Variants in ZFYVE9 observed in about 807,000 individuals in gnomAD.
The protein encoded by ZFYVE9 is zinc finger FYVE domain-containing protein 9.
Under a neutral mutation model 126.7 loss-of-function variants are expected in ZFYVE9, and 43 were observed. The ratio of observed to expected loss-of-function variants is 0.34; its 90% confidence interval spans 0.27 to 0.44. The LOEUF (loss-of-function observed/expected upper bound fraction) is 0.44, where lower values mean the gene tolerates loss of function less well. ZFYVE9 is among the 20% of genes least tolerant of loss of function. The pLI is 1.00. For synonymous variants in ZFYVE9, 521 were observed against 597.4 expected, an observed-to-expected ratio of 0.87 and a Z score of 1.87; for missense variants, 1,476 against 1,697.0, an observed-to-expected ratio of 0.87 and a Z score of 2.29.
chr1:52,314,834 A>G (rs781504687), intron 13 of ZFYVE9, among the ~76,000 whole-genome samples: 4 of 151,064 alleles, frequency 2.6e-5, no homozygotes, highest in Non-Finnish European at 4.4e-5. Context: ...AAAAGCAAAA[A>G]CCGCCAGGCG....
chr1:52,205,117 C>T (rs907300870), intron 1 of ZFYVE9, among the ~76,000 whole-genome samples: 6 of 149,408 alleles, frequency 4.0e-5, no homozygotes, highest in African/African-American at 1.5e-4. Context: ...TTCTGTCGCC[C>T]AGGCTGGAGT....
At chr1:52,286,749 C>T (rs1645864873) in intron 10 of ZFYVE9, among the ~76,000 whole-genome samples, 2 of 152,142 alleles carry the variant, frequency 1.3e-5, no homozygotes, top group East Asian at 3.8e-4. Flanking sequence ...GCTACTTTGG[C>T]TTTGTATTGC....
intron 7 of ZFYVE9, 46 bp downstream of exon 7, chr1:52,268,678 A>G: frequency 6.3e-7 from 1 of 1,588,244 alleles, no homozygotes; most frequent in South Asian, 1.2e-5. Context: ...TACTTTACTC[A>G]GCATTGTGCT....
chr1:52,301,328 G>T (rs1646032672), intron 12 of ZFYVE9, among the ~76,000 whole-genome samples: 1 of 117,080 alleles, frequency 8.5e-6, no homozygotes, highest in Non-Finnish European at 1.6e-5. Context: ...TGGAAATAGG[G>T]TCTCACTCTG....
rs536116273 is a variant in ZFYVE9 at position 52,339,291 on chromosome 1, C to CT, written c.3834-822dup. Among the ~76,000 whole-genome samples the CT allele has an allele frequency of 7.5e-3, 1,076 of 143,636 alleles. 4 individuals carry two copies. The highest frequency in any genetic ancestry group is 0.02 in the East Asian group (98 of 4,934). 94.2% of individuals were successfully genotyped at this position (143,636 alleles called of 152,430 possible). On this transcript the variant is annotated intron_variant, in intron 16 of 18. Transcript: ENST00000287727. ...AATTAGCAACTTGGTCAAATAATTC[C>CT]TTTTTTTTTTTTTGGAGACAGAGTC...
intron 13 of ZFYVE9, among the ~76,000 whole-genome samples, chr1:52,311,206 T>C (rs939111128): frequency 1.3e-5 from 2 of 151,346 alleles, no homozygotes; most frequent in African/African-American, 4.9e-5. Flanking sequence ...ATCAGAAAAA[T>C]GATGAGCCAT....
chr1:52,207,045 C>T (rs1457938833), intron 1 of ZFYVE9, among the ~76,000 whole-genome samples: 1 of 152,232 alleles, frequency 6.6e-6, no homozygotes, highest in Non-Finnish European at 1.5e-5. Context: ...AAATGCTTAT[C>T]TCTTCTGGAA....
At chr1:52,244,437 A>G (rs1245112086) in intron 4 of ZFYVE9, among the ~76,000 whole-genome samples, 1 of 152,330 alleles carries the variant, frequency 6.6e-6, no homozygotes, top group East Asian at 1.9e-4. Context: ...GTGGGGCTAG[A>G]CAGAGGTTGG....
intron 13 of ZFYVE9, among the ~76,000 whole-genome samples, chr1:52,330,787 A>T (rs1223730414): frequency 6.6e-6 from 1 of 152,164 alleles, no homozygotes. Flanking sequence ...CCTGGGATGC[A>T]GCCCAGCAGG....
At chr1:52,338,118 C>A (rs1167993570) in intron 16 of ZFYVE9, among the ~76,000 whole-genome samples, 184 bp downstream of exon 16, 1 of 152,098 alleles carries the variant, frequency 6.6e-6, no homozygotes, top group Non-Finnish European at 1.5e-5. Context: ...GAAGGAGTTT[C>A]TGTATGTATT....
chr1:52,220,998 A>AT (rs910737689), intron 2 of ZFYVE9, among the ~76,000 whole-genome samples: 6 of 152,170 alleles, frequency 3.9e-5, no homozygotes, highest in East Asian at 1.9e-4. Flanking sequence ...TGCAAAATTA[A>AT]TTTTTTGTGG....
At chr1:52,314,806 G>T (rs896541553) in intron 13 of ZFYVE9, among the ~76,000 whole-genome samples, 1 of 151,680 alleles carries the variant, frequency 6.6e-6, no homozygotes, top group South Asian at 2.1e-4. Flanking sequence ...AGTGAGACCC[G>T]GTCTCAAAAA....
intron 1 of ZFYVE9, among the ~76,000 whole-genome samples, chr1:52,208,718 A>G (rs1645000062): frequency 6.6e-6 from 1 of 152,070 alleles, no homozygotes; most frequent in South Asian, 2.1e-4. Flanking sequence ...TTTTTAGTAG[A>G]GACGGGGTTT....
intron 2 of ZFYVE9, among the ~76,000 whole-genome samples, chr1:52,231,996 C>A (rs901153044): frequency 1.3e-5 from 2 of 152,096 alleles, no homozygotes; most frequent in Non-Finnish European, 2.9e-5. Context: ...AGGGAAATAT[C>A]ATTGACACTT....
At position 52,295,989 on chromosome 1, in the gene ZFYVE9, A is replaced by AT. The variant is rs1569697437; in HGVS notation, c.3333+20dup. ...TGAATCTTCTTGCAGTAAGTTGGGA[A>AT]TTTTTTTTCCTTTGTCCTTACTGGA... On this transcript the variant is annotated intron_variant, in intron 12 of 18. Transcript: ENST00000287727. The AT allele has an allele frequency of 4.3e-6, 7 of 1,610,754 alleles. No homozygotes were observed. The highest frequency in any genetic ancestry group is 2.2e-5 in the East Asian group (1 of 44,780).
chr1:52,287,643 G>C (rs189814469), intron 10 of ZFYVE9, among the ~76,000 whole-genome samples: 7 of 150,842 alleles, frequency 4.6e-5, no homozygotes, highest in African/African-American at 1.5e-4. Context: ...AGGATTGCTT[G>C]AGGCCAGGAC....
Position 52,337,783 on chromosome 1 carries a change from G to C in ZFYVE9, c.3682G>C (p.Val1228Leu). ...KSSIVEDGVMVQITAENMDSL... is the reference protein window; with the variant it reads ...KSSIVEDGVMLQITAENMDSL... The stretch of plus-strand genomic sequence containing the variant: ...GTACTGATTCTTAGATGGTGTTATG[G>C]TCCAGATTACTGCAGAGAACATGGA... The change falls in exon 16 of 19, where the codon GTC becomes CTC. Residue 1228 changes from valine to leucine, a missense_variant. Val to Leu is a conservative substitution (Grantham distance 32). Coordinates refer to ENST00000287727, the MANE Select transcript of ZFYVE9 (RefSeq NM_004799.4). 6.2e-7 allele frequency: 1 copy of C among 1,614,182 alleles called. No individual in the cohort carries two copies. Among genetic ancestry groups the C allele is most frequent in the Non-Finnish European group, 8.5e-7 (1 of 1,180,014 alleles).
chr1:52,293,458 G>A lies in ZFYVE9; in HGVS notation c.3031G>A (p.Val1011Met). 6.2e-7 allele frequency: 1 copy of A among 1,605,098 alleles called. No homozygotes were observed. The highest frequency in any genetic ancestry group is 8.5e-7 in the Non-Finnish European group (1 of 1,175,264). The change falls in exon 11 of 19, where the codon GTG (valine) becomes ATG (methionine). Residue 1011 changes from valine to methionine, a missense_variant. By Grantham distance (21) the Val-to-Met change is conservative (BLOSUM62 1). Transcript: ENST00000287727. Reference protein sequence around the residue: ...QLYRDALAGNVVSNLGHSFFS... With the variant: ...QLYRDALAGNMVSNLGHSFFS... ...ATAAACTTTTTTGTTTTTAGGGAATGTGGTGAGCAACTTGGGACATTCCTT... is the reference window on the plus strand; with the variant it reads ...ATAAACTTTTTTGTTTTTAGGGAATATGGTGAGCAACTTGGGACATTCCTT...
At chr1:52,218,620 G>A (rs1201984233) in intron 2 of ZFYVE9, among the ~76,000 whole-genome samples, 4 of 152,280 alleles carry the variant, frequency 2.6e-5, no homozygotes, top group South Asian at 2.1e-4. Context: ...TTGCACAAGC[G>A]TAACAATCTG....
Sources: allele counts gnomAD v4.1 joint callset (sites outside exome capture counted in the v4.1 genomes callset), GRCh38; gene constraint gnomAD v4.1.1; transcripts MANE v1.5; gene names NCBI Gene and HGNC (gene_info 2026-07-23, HGNC 2026-07-21).